PCTP: variants seen among roughly 807,000 people sequenced by gnomAD.
PCTP encodes START domain-containing protein 2.
A neutral mutation model predicts 31.0 loss-of-function variants in PCTP; 27 were observed. That is an observed-to-expected ratio of 0.87 (90% CI 0.64 to 1.20). The LOEUF (loss-of-function observed/expected upper bound fraction) is 1.20, where lower values mean the gene tolerates loss of function less well. PCTP is among the 50% of genes most tolerant of loss of function. The pLI is 0.00. For synonymous variants in PCTP, 108 were observed against 101.2 expected, an observed-to-expected ratio of 1.07 and a Z score of -0.40; for missense variants, 287 against 268.2, an observed-to-expected ratio of 1.07 and a Z score of -0.49.
At chr17:55,789,406 G>T (rs1379003247) in intron 3 of PCTP, among the ~76,000 whole-genome samples, 1 of 152,170 alleles carries the variant, frequency 6.6e-6, no homozygotes, top group Non-Finnish European at 1.5e-5. Context: ...TGTTAGGAAA[G>T]TACCATTAAT....
chr17:55,851,890 T>A, the PCTP span, among the ~76,000 whole-genome samples: 1 of 152,188 alleles, frequency 6.6e-6, no homozygotes, highest in Non-Finnish European at 1.5e-5. Flanking sequence ...GTATGTACTA[T>A]CTTGATCTCA....
intron 5 of PCTP, among the ~76,000 whole-genome samples, chr17:55,828,648 G>A (rs1307166877): frequency 2.0e-5 from 3 of 152,142 alleles, no homozygotes; most frequent in African/African-American, 7.2e-5. Flanking sequence ...ACTTCAATGT[G>A]TCTTTGTGCG....
At chr17:55,847,301 C>T (rs1186862901), downstream of PCTP, among the ~76,000 whole-genome samples, 9 of 152,182 alleles carry the variant, frequency 5.9e-5, no homozygotes, top group South Asian at 1.9e-3. Flanking sequence ...CTGACATGAC[C>T]AGTCACCTGA....
chr17:55,753,768 C>A (rs1310868232), intron 1 of PCTP, among the ~76,000 whole-genome samples: 1 of 152,170 alleles, frequency 6.6e-6, no homozygotes, highest in African/African-American at 2.4e-5. Flanking sequence ...ACAGACGAGG[C>A]AGTTGAGGTC....
intron 3 of PCTP, among the ~76,000 whole-genome samples, chr17:55,801,682 A>C (rs559934667): frequency 6.6e-6 from 1 of 152,284 alleles, no homozygotes; most frequent in East Asian, 1.9e-4. Flanking sequence ...CAAAGACACA[A>C]TGTACCAGAA....
At chr17:55,842,259 C>G (rs1027315141) in intron 5 of PCTP, among the ~76,000 whole-genome samples, 7 of 152,092 alleles carry the variant, frequency 4.6e-5, no homozygotes, top group African/African-American at 1.7e-4. Context: ...ATAAGAGGGT[C>G]AGGAAAGTCT....
chr17:55,810,438 G>A (rs1001364381), intron 3 of PCTP, among the ~76,000 whole-genome samples: 1 of 152,204 alleles, frequency 6.6e-6, no homozygotes, highest in African/African-American at 2.4e-5. Context: ...AAAATCTAGA[G>A]CCCGGGCTTT....
chr17:55,767,509 G>C, intron 2 of PCTP, 57 bp downstream of exon 2: 1 of 1,209,530 alleles, frequency 8.3e-7, no homozygotes, highest in South Asian at 1.2e-5. Context: ...TTGTAGCCCA[G>C]GGTGAAGTGC....
chr17:55,759,371 T>C (rs1479608098), intron 1 of PCTP, among the ~76,000 whole-genome samples: 1 of 152,224 alleles, frequency 6.6e-6, no homozygotes, highest in Non-Finnish European at 1.5e-5. Context: ...ATTAGACCTA[T>C]CACATTTTCT....
At chr17:55,810,848 T>C (rs1405560669) in intron 3 of PCTP, among the ~76,000 whole-genome samples, 1 of 152,220 alleles carries the variant, frequency 6.6e-6, no homozygotes, top group African/African-American at 2.4e-5. Context: ...CAGTGAGAGT[T>C]AGTGGCTTAA....
At chr17:55,766,478 T>C (rs569655396) in intron 1 of PCTP, among the ~76,000 whole-genome samples, 4 of 146,164 alleles carry the variant, frequency 2.7e-5, no homozygotes, top group East Asian at 2.1e-4. Context: ...GTTCTCATTG[T>C]TCAATTCCCA....
At chr17:55,819,019 A>C (rs1913024680) in intron 3 of PCTP, among the ~76,000 whole-genome samples, 1 of 147,446 alleles carries the variant, frequency 6.8e-6, no homozygotes, top group African/African-American at 2.6e-5. Flanking sequence ...TCAAAAAAAA[A>C]AAAAAAAAAA....
chr17:55,776,607 A>G lies in PCTP; in HGVS notation c.*507A>G. On this transcript the variant is annotated 3_prime_UTR_variant, in exon 6 of 6. Coordinates refer to ENST00000268896, the MANE Select transcript of PCTP (RefSeq NM_021213.4). The stretch of plus-strand genomic sequence containing the variant: ...TCAGAGCTGACTTTCAGTGCACCCA[A>G]ACTGGATGACGTGCCAATGTCCATT... The G allele has an allele frequency of 4.1e-6, 5 of 1,230,906 alleles. No individual in the cohort carries two copies. The highest frequency in any genetic ancestry group is 5.1e-6 in the Non-Finnish European group (5 of 988,020). 76.2% of individuals were successfully genotyped at this position (1,230,906 alleles called of 1,614,324 possible).
intron 5 of PCTP, among the ~76,000 whole-genome samples, chr17:55,836,124 G>GT (rs1019869195): frequency 2.0e-5 from 3 of 152,118 alleles, no homozygotes; most frequent in African/African-American, 7.2e-5. Context: ...GGTTCACTTA[G>GT]TTTTTTTCCC....
intron 3 of PCTP, among the ~76,000 whole-genome samples, chr17:55,818,745 G>A (rs945067449): frequency 6.6e-6 from 1 of 152,128 alleles, no homozygotes; most frequent in African/African-American, 2.4e-5. Context: ...CCTGGAAAGA[G>A]GTAGAAAAGA....
At chr17:55,751,353 C>A in intron 1 of PCTP, 109 bp downstream of exon 1, 1 of 1,525,938 alleles carries the variant, frequency 6.6e-7, no homozygotes, top group Non-Finnish European at 8.8e-7. Flanking sequence ...CGCGTCTTCT[C>A]CGGCTCAGGA....
intron 3 of PCTP, among the ~76,000 whole-genome samples, chr17:55,817,219 G>A (rs1912948198): frequency 6.6e-6 from 1 of 152,200 alleles, no homozygotes; most frequent in South Asian, 2.1e-4. Flanking sequence ...GAGGGAAATT[G>A]GCAAGGATTA....
intron 3 of PCTP, among the ~76,000 whole-genome samples, chr17:55,819,431 T>C (rs1230424578): frequency 6.6e-6 from 1 of 152,156 alleles, no homozygotes; most frequent in East Asian, 1.9e-4. Flanking sequence ...ATTGGAAGAT[T>C]TGCAGTTCCT....
downstream of PCTP, among the ~76,000 whole-genome samples, chr17:55,781,635 C>T (rs184003521): frequency 3.3e-5 from 5 of 152,234 alleles, no homozygotes; most frequent in Admixed American, 6.5e-5. Context: ...CTAAAAACCC[C>T]AACAATATGT....
Sources: allele counts gnomAD v4.1 joint callset (sites outside exome capture counted in the v4.1 genomes callset), GRCh38; gene constraint gnomAD v4.1.1; transcripts MANE v1.5; gene names NCBI Gene and HGNC (gene_info 2026-07-23, HGNC 2026-07-21).